The following ARHGAP15 variants were observed in gnomAD, a reference collection of about 807,000 sequenced individuals.
The protein encoded by ARHGAP15 is Rho GTPase activating protein 15.
Under a neutral mutation model 63.7 loss-of-function variants are expected in ARHGAP15, and 51 were observed. The ratio of observed to expected loss-of-function variants is 0.80; its 90% CI spans 0.64 to 1.01. The LOEUF is 1.01. Among genes scored for constraint, ARHGAP15 ranks in the 50% least tolerant of loss-of-function variants. The pLI, the probability that ARHGAP15 is intolerant of heterozygous loss-of-function variation, is 0.00. For missense variants in ARHGAP15, 560 were observed against 564.6 expected, an observed-to-expected ratio of 0.99 and a Z score of 0.08; for synonymous variants, 191 against 193.8, an observed-to-expected ratio of 0.99 and a Z score of 0.12.
chr2:143,666,388 C>T (rs1443067193), intron 12 of ARHGAP15, among the ~76,000 whole-genome samples: 5 of 152,276 alleles, frequency 3.3e-5, no homozygotes, highest in African/African-American at 4.8e-5. Context: ...GAAACTGTAT[C>T]GCTTCCTTAC....
chr2:143,340,965 T>C (rs1168470472), intron 6 of ARHGAP15, among the ~76,000 whole-genome samples: 2 of 152,188 alleles, frequency 1.3e-5, no homozygotes, highest in African/African-American at 2.4e-5. Context: ...TCACTATCAT[T>C]TGGCCAACGT....
chr2:143,164,366 A>T (rs1298610289), intron 2 of ARHGAP15, among the ~76,000 whole-genome samples: 1 of 152,048 alleles, frequency 6.6e-6, no homozygotes, highest in Admixed American at 6.6e-5. Flanking sequence ...GTTACAACTA[A>T]TTAGCAAATG....
In ARHGAP15 at chr2:143,526,434, T is replaced by G. The variant is rs750243775; in HGVS notation, c.925+7070T>G. Among the ~76,000 whole-genome samples the G allele has an allele frequency of 2.0e-4, 31 of 152,190 alleles. 1 individual carries two copies. The highest frequency in any genetic ancestry group is 3.7e-4 in the Non-Finnish European group (25 of 68,024). On this transcript the variant is annotated intron_variant, in intron 10 of 13. Coordinates refer to ENST00000295095, the MANE Select transcript of ARHGAP15 (RefSeq NM_018460.4). ...TTTAGGTTCTTAACATACTTTTCCC[T>G]TGGAGTCAGTTGGAAGGAACAGAGC...
At chr2:143,314,934 A>G (rs1212923111) in intron 6 of ARHGAP15, among the ~76,000 whole-genome samples, 4 of 152,184 alleles carry the variant, frequency 2.6e-5, no homozygotes, top group African/African-American at 9.7e-5. Context: ...TCCTACCTTA[A>G]ATATACTCAT....
intron 6 of ARHGAP15, among the ~76,000 whole-genome samples, chr2:143,343,431 A>G (rs930890520): frequency 6.6e-6 from 1 of 152,072 alleles, no homozygotes; most frequent in Non-Finnish European, 1.5e-5. Flanking sequence ...GAAAACAGGT[A>G]GAGATTGGAC....
chr2:143,369,659 G>T (rs1000731020), intron 6 of ARHGAP15, among the ~76,000 whole-genome samples: 4 of 151,892 alleles, frequency 2.6e-5, no homozygotes, highest in Non-Finnish European at 4.4e-5. Flanking sequence ...CAGGCATTTG[G>T]GCCATACATA....
intron 2 of ARHGAP15, among the ~76,000 whole-genome samples, chr2:143,191,337 G>A (rs143311390): frequency 1.1e-4 from 17 of 152,258 alleles, no homozygotes; most frequent in African/African-American, 3.9e-4. Flanking sequence ...AACTGACTTG[G>A]TTCGTATTTT....
chr2:143,586,416 G>A (rs536253304), intron 11 of ARHGAP15, among the ~76,000 whole-genome samples: 2 of 151,598 alleles, frequency 1.3e-5, no homozygotes, highest in South Asian at 4.2e-4. Flanking sequence ...CTTGTGTACT[G>A]TAATCACTTT....
chr2:143,519,444 G>T (rs1295574275), intron 10 of ARHGAP15, 80 bp downstream of exon 10: 7 of 1,111,626 alleles, frequency 6.3e-6, no homozygotes, highest in Non-Finnish European at 9.4e-6. Context: ...AGTGCCACCT[G>T]ATTTGTCTGA....
At chr2:143,164,684 C>T (rs1406856389) in intron 2 of ARHGAP15, among the ~76,000 whole-genome samples, 1 of 151,858 alleles carries the variant, frequency 6.6e-6, no homozygotes, top group Non-Finnish European at 1.5e-5. Flanking sequence ...TCTCCTCTTC[C>T]TCTTGAATTT....
At chr2:143,315,146 T>G (rs1022364077) in intron 6 of ARHGAP15, among the ~76,000 whole-genome samples, 2 of 152,184 alleles carry the variant, frequency 1.3e-5, no homozygotes, top group Non-Finnish European at 2.9e-5. Context: ...AATACTTTTC[T>G]AAGCAAGTAG....
chr2:143,725,714 T>A (rs1335955717), intron 13 of ARHGAP15, among the ~76,000 whole-genome samples: 1 of 152,234 alleles, frequency 6.6e-6, no homozygotes, highest in East Asian at 1.9e-4. Flanking sequence ...AATGTCAGTG[T>A]CAAGGTTCTG....
intron 3 of ARHGAP15, among the ~76,000 whole-genome samples, chr2:143,204,284 TAGTC>T (rs1240609594): frequency 2.0e-5 from 3 of 152,138 alleles, no homozygotes; most frequent in Non-Finnish European, 4.4e-5. Context: ...TTTCTTATCT[TAGTC>T]AGTCTGTTAC....
chr2:143,496,202 A>G (rs915605875), intron 9 of ARHGAP15, among the ~76,000 whole-genome samples: 1 of 152,096 alleles, frequency 6.6e-6, no homozygotes, highest in African/African-American at 2.4e-5. Flanking sequence ...ATACAGTACC[A>G]CATAGTTAGC....
intron 12 of ARHGAP15, among the ~76,000 whole-genome samples, chr2:143,670,057 A>G (rs1196046332): frequency 6.6e-6 from 1 of 152,164 alleles, no homozygotes; most frequent in Non-Finnish European, 1.5e-5. Flanking sequence ...TTCAGACACC[A>G]GGGAGGAATT....
At chr2:143,653,276 G>C (rs920133550) in intron 12 of ARHGAP15, among the ~76,000 whole-genome samples, 1 of 151,878 alleles carries the variant, frequency 6.6e-6, no homozygotes, top group Non-Finnish European at 1.5e-5. Context: ...ATTTTCTTTA[G>C]AATTTTCATA....
intron 12 of ARHGAP15, among the ~76,000 whole-genome samples, chr2:143,636,010 A>T (rs1443629824): frequency 6.6e-6 from 1 of 152,158 alleles, no homozygotes; most frequent in Non-Finnish European, 1.5e-5. Context: ...TAAAAGATCA[A>T]ATACCTAAAG....
At chr2:143,405,432 C>T (rs898584150) in intron 6 of ARHGAP15, among the ~76,000 whole-genome samples, 1 of 151,792 alleles carries the variant, frequency 6.6e-6, no homozygotes, top group African/African-American at 2.4e-5. Context: ...GTTTCATCAA[C>T]TTCAGTAAAA....
chr2:143,521,729 T>C (rs1304830507), intron 10 of ARHGAP15, among the ~76,000 whole-genome samples: 5 of 152,184 alleles, frequency 3.3e-5, no homozygotes, highest in Non-Finnish European at 7.4e-5. Context: ...AGGGAAATGG[T>C]CTTGATACTC....
Sources: gnomAD v4.1 joint callset for allele counts (sites outside exome capture counted in the v4.1 genomes callset) on GRCh38, gnomAD v4.1.1 for gene constraint, MANE v1.5 for transcripts, NCBI Gene and HGNC (gene_info 2026-07-23, HGNC 2026-07-21) for gene names.